Variants in KAT6B observed in about 807,000 individuals in gnomAD.
KAT6B encodes the protein lysine acetyltransferase 6B.
In KAT6B, 10 loss-of-function variants were observed where a neutral mutation model predicts 187.5. That is an observed-to-expected ratio of 0.05 (90% CI 0.03 to 0.09). The LOEUF is 0.09. KAT6B is among the 10% of genes least tolerant of loss of function. The pLI, the probability that KAT6B is intolerant of heterozygous loss-of-function variation, is 1.00. For synonymous variants in KAT6B, 861 were observed against 926.8 expected (o/e 0.93, Z 1.29); for missense variants, 1,952 against 2,558.9 (o/e 0.76, Z 5.12).
intron 13 of KAT6B, among the ~76,000 whole-genome samples, chr10:75,012,577 C>T (rs1327278835): frequency 2.0e-5 from 3 of 152,238 alleles, no homozygotes; most frequent in Admixed American, 6.5e-5. Context: ...GCACCTCCGG[C>T]TCAGGAGCAC....
chr10:74,831,324 A>G (rs1385909629), intron 1 of KAT6B, among the ~76,000 whole-genome samples: 1 of 152,022 alleles, frequency 6.6e-6, no homozygotes, highest in African/African-American at 2.4e-5. Flanking sequence ...ATTTTAATGG[A>G]GTCAAATTTA....
chr10:74,851,055 A>G (rs1842443815), intron 3 of KAT6B, among the ~76,000 whole-genome samples: 1 of 152,198 alleles, frequency 6.6e-6, no homozygotes, highest in Non-Finnish European at 1.5e-5. Flanking sequence ...AAAGCCTTCA[A>G]ACATAAACAA....
chr10:74,950,831 A>G (rs1840264640), intron 3 of KAT6B, among the ~76,000 whole-genome samples: 1 of 152,194 alleles, frequency 6.6e-6, no homozygotes, highest in Non-Finnish European at 1.5e-5. Flanking sequence ...AAAATAGACC[A>G]TAACAGGCCA....
intron 3 of KAT6B, among the ~76,000 whole-genome samples, chr10:74,899,691 T>G (rs1846249891): frequency 6.6e-6 from 1 of 152,224 alleles, no homozygotes; most frequent in Non-Finnish European, 1.5e-5. Flanking sequence ...TCACCCTTTT[T>G]TGGGTGTAAG....
intron 3 of KAT6B, among the ~76,000 whole-genome samples, chr10:74,944,529 G>A (rs2133328020): frequency 6.6e-6 from 1 of 152,298 alleles, no homozygotes; most frequent in Admixed American, 6.5e-5. Flanking sequence ...ATGCAAATTA[G>A]GCCGGGCGCG....
chr10:74,873,214 G>T (rs112603651), intron 3 of KAT6B, among the ~76,000 whole-genome samples: 3,360 of 151,744 alleles, frequency 0.022, 70 homozygotes, highest in African/African-American at 0.06. Context: ...TAATTTCAGT[G>T]CTTTGGGAGG....
At chr10:74,863,935 A>G (rs1395362596) in intron 3 of KAT6B, among the ~76,000 whole-genome samples, 6 of 151,880 alleles carry the variant, frequency 4.0e-5, no homozygotes, top group African/African-American at 1.2e-4. Context: ...GGTCCCTCAT[A>G]CACATACACT....
At chr10:74,957,716 C>T (rs762494659) in intron 3 of KAT6B, among the ~76,000 whole-genome samples, 2 of 152,092 alleles carry the variant, frequency 1.3e-5, no homozygotes, top group Non-Finnish European at 2.9e-5. Context: ...GTAAGAGGAC[C>T]GGGTTTTAGC....
intron 4 of KAT6B, among the ~76,000 whole-genome samples, chr10:74,966,434 CTGT>C (rs1202327684): frequency 1.3e-5 from 2 of 152,184 alleles, no homozygotes; most frequent in African/African-American, 2.4e-5. Flanking sequence ...TGGGGCGCTG[CTGT>C]TGTTGTGCTT....
intron 3 of KAT6B, among the ~76,000 whole-genome samples, chr10:74,897,671 T>G (rs1846085345): frequency 6.6e-6 from 1 of 152,232 alleles, no homozygotes; most frequent in Non-Finnish European, 1.5e-5. Flanking sequence ...GCAGTGAACT[T>G]CATCCAATAG....
intron 10 of KAT6B, among the ~76,000 whole-genome samples, chr10:74,981,438 A>G (rs756680066): frequency 9.9e-5 from 15 of 150,758 alleles, no homozygotes; most frequent in Non-Finnish European, 2.1e-4. Context: ...CAGTGGTGCA[A>G]TCTCGATTCA....
rs1465993086 is a variant in KAT6B at position 74,843,092 on chromosome 10, C to A, written c.235C>A (p.Arg79Ser). Residue 79 changes from arginine to serine, a missense_variant, in exon 3 of 18, where the codon CGC becomes AGC. Around this residue, in one of 9 missense-constraint regions of KAT6B, gnomAD observed 218 missense variants for 282.6 expected, o/e 0.77. Coordinates refer to ENST00000287239, the MANE Select transcript of KAT6B (RefSeq NM_012330.4). Reference protein sequence around the residue: ...ASYKDPDNPGRFSSVKPGTFP... With the variant: ...ASYKDPDNPGSFSSVKPGTFP... Reference sequence around the variant, plus strand: ...CTATAAGGACCCAGACAACCCTGGGCGCTTTTCATCAGTTAAACCAGGCAC... The same window carrying A: ...CTATAAGGACCCAGACAACCCTGGGAGCTTTTCATCAGTTAAACCAGGCAC... 6.2e-7 allele frequency: 1 copy of A among 1,614,174 alleles called. No individual in the cohort carries two copies. The highest frequency in any genetic ancestry group is 1.7e-5 in the Admixed American group (1 of 60,010).
intron 3 of KAT6B, among the ~76,000 whole-genome samples, chr10:74,890,537 G>A (rs948514158): frequency 2.0e-5 from 3 of 152,028 alleles, no homozygotes; most frequent in East Asian, 1.9e-4. Context: ...GCAAGACTCC[G>A]TCTCAAAACA....
chr10:74,857,434 C>T (rs902646739), intron 3 of KAT6B, among the ~76,000 whole-genome samples: 1 of 152,230 alleles, frequency 6.6e-6, no homozygotes, highest in Non-Finnish European at 1.5e-5. Context: ...ACATCTGCCT[C>T]TTACCACAGC....
At chr10:74,938,130 C>T (rs1849394966) in intron 3 of KAT6B, among the ~76,000 whole-genome samples, 1 of 152,030 alleles carries the variant, frequency 6.6e-6, no homozygotes, top group African/African-American at 2.4e-5. Flanking sequence ...TTGTTGTTGT[C>T]GTTGTTGTTT....
At chr10:74,982,892 C>T (rs1443413080) in intron 11 of KAT6B, 1 of 152,192 alleles carries the variant, frequency 6.6e-6, no homozygotes, top group Non-Finnish European at 1.5e-5. Context: ...TATTATTCTG[C>T]CTTACAGTTC....
chr10:74,950,143 TAA>T (rs1290803200), intron 3 of KAT6B, among the ~76,000 whole-genome samples: 1 of 152,200 alleles, frequency 6.6e-6, no homozygotes, highest in Non-Finnish European at 1.5e-5. Context: ...GTTGCCTGTG[TAA>T]AGTCTTATAG....
At chr10:74,847,875 CAT>C (rs537122573) in intron 3 of KAT6B, among the ~76,000 whole-genome samples, 3 of 151,030 alleles carry the variant, frequency 2.0e-5, no homozygotes, top group Non-Finnish European at 3.0e-5. Flanking sequence ...AGTGTGAAGT[CAT>C]GTGTGTGTAT....
chr10:74,916,717 T>C lies in KAT6B; in HGVS notation c.622-43253T>C, dbSNP rs553670265. Among the ~76,000 whole-genome samples the C allele has an allele frequency of 1.0e-3, 157 of 152,350 alleles. No homozygotes were observed. In the South Asian group the frequency reaches 0.012, roughly 12 times the overall value. On this transcript the variant is annotated intron_variant, in intron 3 of 17. Coordinates refer to ENST00000287239, the MANE Select transcript of KAT6B (RefSeq NM_012330.4). ...GGTGCATACATAAATTCATTCTTGG[T>C]TAAAAAAATTCAGATAGTGTAGATA...
Sources: gnomAD v4.1 joint callset for allele counts (sites outside exome capture counted in the v4.1 genomes callset) on GRCh38, gnomAD v4.1.1 for gene constraint, gnomAD v4.1.1 regional missense constraint, MANE v1.5 for transcripts, NCBI Gene and HGNC (gene_info 2026-07-23, HGNC 2026-07-21) for gene names.